The following HPSE2 variants were observed in gnomAD, a reference collection of about 807,000 sequenced individuals.
The protein encoded by HPSE2 is heparanase 2 (inactive), also known as inactive heparanase-2.
Under a neutral mutation model 60.5 loss-of-function variants are expected in HPSE2, and 38 were observed. That is an observed-to-expected ratio of 0.63 (90% CI 0.48 to 0.82). The LOEUF (loss-of-function observed/expected upper bound fraction) is 0.82, where lower values mean the gene tolerates loss of function less well. HPSE2 is among the 40% of genes least tolerant of loss of function. HPSE2 has a pLI of 0.00. For synonymous variants in HPSE2, 295 were observed against 293.2 expected (o/e 1.01, Z -0.06); for missense variants, 713 against 740.4 (o/e 0.96, Z 0.43).
intron 9 of HPSE2, among the ~76,000 whole-genome samples, chr10:98,553,914 CCT>C (rs1324035300): frequency 2.0e-5 from 3 of 152,080 alleles, no homozygotes; most frequent in Non-Finnish European, 2.9e-5. Flanking sequence ...TCCTTTGGCC[CCT>C]GTTTCTTTTT....
chr10:99,245,156 T>C, the HPSE2 span, among the ~76,000 whole-genome samples: 1 of 152,104 alleles, frequency 6.6e-6, no homozygotes. Context: ...AAAAATAGTC[T>C]TTTCCCCTTT....
chr10:98,841,369 C>G (rs1208676572), intron 3 of HPSE2, among the ~76,000 whole-genome samples: 2 of 152,330 alleles, frequency 1.3e-5, no homozygotes, highest in Middle Eastern at 3.4e-3. Context: ...CCACTATTAT[C>G]CCAGTCCTTT....
intron 9 of HPSE2, among the ~76,000 whole-genome samples, chr10:98,544,246 A>T (rs1393370398): frequency 1.3e-5 from 2 of 152,232 alleles, no homozygotes. Flanking sequence ...TACATAATGA[A>T]ATGAAGGCAG....
At chr10:98,570,848 A>G (rs1944474312) in intron 9 of HPSE2, among the ~76,000 whole-genome samples, 1 of 152,066 alleles carries the variant, frequency 6.6e-6, no homozygotes, top group African/African-American at 2.4e-5. Context: ...TATCCTGTCC[A>G]ATTAAAAAAA....
intron 3 of HPSE2, among the ~76,000 whole-genome samples, chr10:98,777,829 T>C (rs1286433476): frequency 6.6e-6 from 1 of 152,190 alleles, no homozygotes; most frequent in Non-Finnish European, 1.5e-5. Context: ...TAACTACTTG[T>C]ACTTACTTGA....
intron 9 of HPSE2, among the ~76,000 whole-genome samples, chr10:98,572,194 G>A (rs940175089): frequency 1.3e-5 from 2 of 151,974 alleles, no homozygotes; most frequent in African/African-American, 4.8e-5. Context: ...GCCCACCTCA[G>A]CTCCCAAAGT....
intron 2 of HPSE2, among the ~76,000 whole-genome samples, chr10:99,200,684 A>G (rs1848546961): frequency 6.6e-6 from 1 of 152,144 alleles, no homozygotes; most frequent in Admixed American, 6.6e-5. Context: ...AATGATGACA[A>G]TGATGATGAT....
At chr10:99,182,624 A>T (rs529822484) in intron 2 of HPSE2, among the ~76,000 whole-genome samples, 1 of 152,310 alleles carries the variant, frequency 6.6e-6, no homozygotes, top group South Asian at 2.1e-4. Context: ...ACATTCTGAG[A>T]AACTTAAAAT....
intron 3 of HPSE2, among the ~76,000 whole-genome samples, chr10:98,912,036 T>G (rs950144462): frequency 1.3e-5 from 2 of 152,206 alleles, no homozygotes; most frequent in African/African-American, 4.8e-5. Context: ...GGCTACATAT[T>G]AAGTGATAAA....
At chr10:98,795,374 A>T (rs1464062803) in intron 3 of HPSE2, among the ~76,000 whole-genome samples, 2 of 152,208 alleles carry the variant, frequency 1.3e-5, no homozygotes, top group African/African-American at 2.4e-5. Flanking sequence ...GGGGAGAGAC[A>T]GCACAGCAGA....
chr10:98,975,522 G>A (rs2135280946), intron 3 of HPSE2, among the ~76,000 whole-genome samples: 1 of 152,220 alleles, frequency 6.6e-6, no homozygotes, highest in South Asian at 2.1e-4. Flanking sequence ...ATTTAATGAA[G>A]GAACTGCAAC....
intron 9 of HPSE2, among the ~76,000 whole-genome samples, chr10:98,593,498 T>C (rs929586940): frequency 1.3e-5 from 2 of 152,056 alleles, no homozygotes; most frequent in African/African-American, 2.4e-5. Context: ...TTAACTATGA[T>C]AATGTGGAAG....
At position 98,634,701 on chromosome 10, in the gene HPSE2, CATA is replaced by C. The variant is rs575255019; in HGVS notation, c.1098+7143_1098+7145del. Among the ~76,000 whole-genome samples, 6 of 152,258 alleles carry C rather than the reference CATA, an allele frequency of 3.9e-5. No individual in the cohort carries two copies. The South Asian group carries it at 1.2e-3, about 32-fold the overall frequency. ...AACTACAATATATTGGAAGAAGTGG[CATA>C]ATGTCACTACATTTATTGAGACTTC... On this transcript the variant is annotated intron_variant, in intron 7 of 11. Transcript: ENST00000370552.
At chr10:99,265,797 C>CA in the HPSE2 span, among the ~76,000 whole-genome samples, 2 of 152,116 alleles carry the variant, frequency 1.3e-5, no homozygotes, top group African/African-American at 4.8e-5. Context: ...GGGAGACAGA[C>CA]AAAAAACTGT....
chr10:98,580,836 A>ATATATATATATATATATATGTGTG, intron 9 of HPSE2, among the ~76,000 whole-genome samples: 1 of 119,530 alleles, frequency 8.4e-6, no homozygotes, highest in African/African-American at 3.6e-5. Context: ...ATATATATAT[A>ATATATATATATATATATATGTGTG]TGTGTGTGTG....
intron 11 of HPSE2, among the ~76,000 whole-genome samples, chr10:98,471,715 T>C (rs1190191257): frequency 2.6e-5 from 4 of 152,200 alleles, no homozygotes; most frequent in African/African-American, 9.7e-5. Flanking sequence ...GGGATGTTCA[T>C]GTGTAGCACT....
the HPSE2 span, among the ~76,000 whole-genome samples, chr10:99,300,914 A>C: frequency 6.6e-6 from 1 of 152,202 alleles, no homozygotes; most frequent in Non-Finnish European, 1.5e-5. Flanking sequence ...AGTATGGATT[A>C]TTACAATGCT....
the HPSE2 span, among the ~76,000 whole-genome samples, chr10:99,266,874 G>A: frequency 6.6e-6 from 1 of 152,126 alleles, no homozygotes; most frequent in Non-Finnish European, 1.5e-5. Context: ...CAGCTCTGCT[G>A]GGAGACTAGA....
intron 8 of HPSE2, among the ~76,000 whole-genome samples, chr10:98,617,646 C>A (rs1373454321): frequency 2.0e-5 from 3 of 152,176 alleles, no homozygotes; most frequent in Non-Finnish European, 4.4e-5. Flanking sequence ...CAAGACCCCT[C>A]AGAGAGGGAA....
Sources: allele counts gnomAD v4.1 joint callset (sites outside exome capture counted in the v4.1 genomes callset), GRCh38; gene constraint gnomAD v4.1.1; transcripts MANE v1.5; gene names NCBI Gene and HGNC (gene_info 2026-07-23, HGNC 2026-07-21).